The following KIAA1217 variants were observed in gnomAD, a reference collection of about 807,000 sequenced individuals.
The protein encoded by KIAA1217 is KIAA1217.
Under a neutral mutation model 163.9 loss-of-function variants are expected in KIAA1217, and 88 were observed. The ratio of observed to expected loss-of-function variants is 0.54; its 90% CI spans 0.45 to 0.64. The LOEUF (loss-of-function observed/expected upper bound fraction) is 0.64. Ranked by LOEUF, KIAA1217 falls within the 30% of genes least tolerant of loss-of-function variation. KIAA1217 has a pLI of 0.00. For synonymous variants in KIAA1217, 903 were observed against 923.1 expected, an observed-to-expected ratio of 0.98 and a Z score of 0.39; for missense variants, 2,372 against 2,475.0, an observed-to-expected ratio of 0.96 and a Z score of 0.88.
chr10:24,014,333 T>G (rs1847379832), intron 2 of KIAA1217, among the ~76,000 whole-genome samples: 1 of 152,198 alleles, frequency 6.6e-6, no homozygotes, highest in Admixed American at 6.5e-5. Flanking sequence ...TGTTCTCATA[T>G]TCAGGCATAA....
chr10:23,830,996 A>G (rs74932873), intron 1 of KIAA1217, among the ~76,000 whole-genome samples: 1,587 of 152,190 alleles, frequency 0.01, 35 homozygotes, highest in African/African-American at 0.031. Flanking sequence ...GATTCGGGTG[A>G]GCAGGAGGCA....
intron 3 of KIAA1217, among the ~76,000 whole-genome samples, chr10:24,400,556 A>C (rs375460870): frequency 2.0e-5 from 3 of 152,326 alleles, no homozygotes; most frequent in Admixed American, 1.3e-4. Flanking sequence ...CCACAGATCC[A>C]TGCTTACCTC....
intron 2 of KIAA1217, among the ~76,000 whole-genome samples, chr10:24,342,950 C>T (rs1317151182): frequency 1.3e-5 from 2 of 152,148 alleles, no homozygotes; most frequent in African/African-American, 4.8e-5. Flanking sequence ...AGCCACTGCA[C>T]CCGGCCGACT....
intron 1 of KIAA1217, among the ~76,000 whole-genome samples, chr10:23,818,579 C>T (rs1837475242): frequency 6.6e-6 from 1 of 151,890 alleles, no homozygotes; most frequent in Admixed American, 6.6e-5. Context: ...ATACAGAAAC[C>T]AGGACTCCAG....
At chr10:24,000,839 T>G (rs2131463709) in intron 1 of KIAA1217, among the ~76,000 whole-genome samples, 1 of 152,342 alleles carries the variant, frequency 6.6e-6, no homozygotes, top group South Asian at 2.1e-4. Flanking sequence ...TCGCCCTCCG[T>G]GGGCCTCCTG....
intron 1 of KIAA1217, among the ~76,000 whole-genome samples, chr10:24,216,683 C>T (rs928764213): frequency 1.3e-5 from 2 of 151,154 alleles, no homozygotes; most frequent in African/African-American, 2.4e-5. Context: ...AAAAATTAGC[C>T]GGGCATGGTT....
chr10:23,805,321 T>C lies in KIAA1217; in HGVS notation c.-321+110087T>C, dbSNP rs974857639. On this transcript the variant is annotated intron_variant, in intron 1 of 18. Transcript: ENST00000376462. ...GAAAATTTCTTACAAATACACCACA[T>C]GTATTATGGACTACTGTGTAGCCAT... is the stretch of plus-strand genomic sequence containing the variant. Among the ~76,000 whole-genome samples the C allele has an allele frequency of 4.6e-5, 7 of 152,170 alleles. No individual in the cohort carries two copies. In the East Asian group the frequency reaches 1.3e-3, roughly 29 times the overall value.
chr10:24,354,258 A>AC (rs1339495967), intron 2 of KIAA1217, among the ~76,000 whole-genome samples: 2 of 151,852 alleles, frequency 1.3e-5, no homozygotes, highest in Non-Finnish European at 2.9e-5. Context: ...GAGTTCCCGG[A>AC]CCCCCCTCAC....
rs1249544969 is a variant in KIAA1217, at chr10:24,317,301, T to A, written c.355-63568T>A. On this transcript the variant is annotated intron_variant, in intron 2 of 20. Transcript: ENST00000376454. The stretch of plus-strand genomic sequence containing the variant: ...TTACTTTTTATTTATTTATTTATTT[T>A]TCAGCCAGGGTCCTGCTATGTCGCC... Among the ~76,000 whole-genome samples, 3 of 152,176 alleles carry A rather than the reference T, an allele frequency of 2.0e-5. No individual in the cohort carries two copies. The East Asian group carries it at 5.8e-4, about 29-fold the overall frequency.
intron 9 of KIAA1217, among the ~76,000 whole-genome samples, chr10:24,508,016 C>T (rs958303579): frequency 6.6e-6 from 1 of 152,118 alleles, no homozygotes; most frequent in Non-Finnish European, 1.5e-5. Flanking sequence ...TACTTCCTAA[C>T]TCATTTTATG....
chr10:24,244,912 C>G (rs935078560), intron 2 of KIAA1217, among the ~76,000 whole-genome samples: 1 of 152,120 alleles, frequency 6.6e-6, no homozygotes, highest in Non-Finnish European at 1.5e-5. Flanking sequence ...TTCCTGACCA[C>G]AGACTTAGTA....
chr10:23,968,053 C>G (rs899925800), intron 1 of KIAA1217, among the ~76,000 whole-genome samples: 2 of 151,164 alleles, frequency 1.3e-5, no homozygotes, highest in Non-Finnish European at 2.9e-5. Flanking sequence ...ACTATCAACC[C>G]GAATTTGACT....
intron 2 of KIAA1217, among the ~76,000 whole-genome samples, chr10:24,163,655 A>T (rs929944293): frequency 6.6e-6 from 1 of 152,360 alleles, no homozygotes. Flanking sequence ...TGTAGTACAC[A>T]TATTCTACAT....
At position 24,546,474 on chromosome 10, in the gene KIAA1217, A is replaced by G. The variant is rs987698830; in HGVS notation, c.*150A>G. 1.1e-6 allele frequency: 1 copy of G among 874,604 alleles called. No homozygotes were observed. Among genetic ancestry groups the G allele is most frequent in the East Asian group, 2.7e-5 (1 of 36,958 alleles). 54.2% of individuals were successfully genotyped at this position (874,604 alleles called of 1,614,324 possible). A position where few individuals can be genotyped will look rare whatever the true frequency, so the allele number is the denominator to read the frequency against. On this transcript the variant is annotated 3_prime_UTR_variant, in exon 21 of 21. Transcript: ENST00000376454. ...GCTAAATACTGGATTAATAGATTTC[A>G]GTAAAGCTCGTTCGTTTTGTTTGGT... is the stretch of plus-strand genomic sequence containing the variant.
intron 9 of KIAA1217, among the ~76,000 whole-genome samples, chr10:24,512,189 T>G (rs1425900058): frequency 6.6e-6 from 1 of 152,186 alleles, no homozygotes; most frequent in African/African-American, 2.4e-5. Flanking sequence ...GGTGGTGACA[T>G]GGTCAGATTG....
chr10:24,368,221 C>A (rs1030599126), intron 2 of KIAA1217, among the ~76,000 whole-genome samples: 2 of 152,082 alleles, frequency 1.3e-5, no homozygotes, highest in African/African-American at 4.8e-5. Flanking sequence ...TATTTCCGTG[C>A]GCATGTATTG....
chr10:24,205,501 C>T (rs60979675), upstream of KIAA1217, among the ~76,000 whole-genome samples: 11,200 of 150,580 alleles, frequency 0.074, 599 homozygotes, highest in African/African-American at 0.15. Flanking sequence ...ATGCCGGGCG[C>T]GGTGGCTCAT....
chr10:24,313,104 A>C (rs543861615), intron 2 of KIAA1217, among the ~76,000 whole-genome samples: 3 of 152,310 alleles, frequency 2.0e-5, no homozygotes, highest in African/African-American at 7.2e-5. Flanking sequence ...ACATGAAGGG[A>C]AATTTAGCGT....
chr10:24,204,994 T>C (rs1383865429), upstream of KIAA1217, among the ~76,000 whole-genome samples: 1 of 152,188 alleles, frequency 6.6e-6, no homozygotes. Flanking sequence ...CTTTGAAAAG[T>C]ACATTTTAAG....
Sources: allele counts gnomAD v4.1 joint callset (sites outside exome capture counted in the v4.1 genomes callset), GRCh38; gene constraint gnomAD v4.1.1; transcripts MANE v1.5; gene names NCBI Gene and HGNC (gene_info 2026-07-23, HGNC 2026-07-21).